The following LEPROTL1 variants were observed in gnomAD, a reference collection of about 807,000 sequenced individuals.
LEPROTL1 encodes the protein leptin receptor overlapping transcript like 1, also known as leptin receptor overlapping transcript-like 1.
In LEPROTL1, 6 loss-of-function variants were observed where a neutral mutation model predicts 15.4. That is an observed-to-expected ratio of 0.39 (90% CI 0.21 to 0.77). LEPROTL1 has a LOEUF of 0.77. Ranked by LOEUF, LEPROTL1 falls within the 30% of genes least tolerant of loss-of-function variation. LEPROTL1 has a pLI of 0.41. For synonymous variants in LEPROTL1, 56 were observed against 52.6 expected, an observed-to-expected ratio of 1.06 and a Z score of -0.28; for missense variants, 128 against 158.1, an observed-to-expected ratio of 0.81 and a Z score of 1.02.
intron 3 of LEPROTL1, among the ~76,000 whole-genome samples, chr8:30,129,711 T>TCACACACA (rs35105107): frequency 3.0e-4 from 39 of 128,382 alleles, no homozygotes; most frequent in South Asian, 5.5e-4. Flanking sequence ...TGAGACCCTG[T>TCACACACA]CACACACACA....
At chr8:30,136,635 T>C (rs1373992372) in intron 4 of LEPROTL1, among the ~76,000 whole-genome samples, 1 of 152,104 alleles carries the variant, frequency 6.6e-6, no homozygotes, top group East Asian at 1.9e-4. Context: ...CTCCATCCCA[T>C]TTGGTACTTC....
downstream of LEPROTL1, among the ~76,000 whole-genome samples, chr8:30,111,610 G>T (rs1294823396): frequency 1.3e-5 from 2 of 152,188 alleles, no homozygotes; most frequent in Non-Finnish European, 2.9e-5. Context: ...CTGGAAACAG[G>T]AAAATCTTGG....
intron 3 of LEPROTL1, among the ~76,000 whole-genome samples, chr8:30,128,816 C>G (rs1184202998): frequency 3.3e-5 from 5 of 150,186 alleles, no homozygotes; most frequent in Non-Finnish European, 7.4e-5. Flanking sequence ...CTAAAGTGTA[C>G]CTCTCGAAGG....
intron 1 of LEPROTL1, among the ~76,000 whole-genome samples, chr8:30,101,402 T>C (rs1802464097): frequency 6.6e-6 from 1 of 152,190 alleles, no homozygotes; most frequent in Non-Finnish European, 1.5e-5. Flanking sequence ...ATGTGGTGGC[T>C]CACGCCTGTA....
At chr8:30,137,272 A>T (rs1329361834) in exon 5 of LEPROTL1, 1 of 1,551,138 alleles carries the variant, frequency 6.4e-7, no homozygotes, top group South Asian at 1.2e-5. Context: ...TGTTTTCTAG[A>T]TGGGGCGCCT....
chr8:30,095,648 CG>C, intron 1 of LEPROTL1, 120 bp downstream of exon 1: 1 of 864,486 alleles, frequency 1.2e-6, no homozygotes, highest in Non-Finnish European at 1.6e-6. Flanking sequence ...GTCCCTGCGC[CG>C]GGGAAGCGAC....
At position 30,108,107 on chromosome 8, in the gene LEPROTL1, C is replaced by A; in HGVS notation, c.*2245C>A. 1.6e-6 allele frequency: 1 copy of A among 620,222 alleles called. No homozygotes were observed. The highest frequency in any genetic ancestry group is 2.0e-6 in the Non-Finnish European group (1 of 496,596). 38.4% of individuals were successfully genotyped at this position (620,222 alleles called of 1,614,324 possible). A position where few individuals can be genotyped will look rare whatever the true frequency, so the allele number is the denominator to read the frequency against. ...GTTTTTGAAATGAAAATATATGGCA[C>A]ACTTTCATTCTGAAGTGCATTAACA... On this transcript the variant is annotated 3_prime_UTR_variant, in exon 4 of 4. Coordinates refer to ENST00000321250, the MANE Select transcript of LEPROTL1 (RefSeq NM_015344.3).
chr8:30,132,465 G>A (rs150098506), exon 4 of LEPROTL1: 66 of 1,551,604 alleles, frequency 4.3e-5, no homozygotes, highest in South Asian at 8.3e-5. Flanking sequence ...GGAGGGAGTC[G>A]TCCAGGATCC....
intron 2 of LEPROTL1, among the ~76,000 whole-genome samples, chr8:30,102,368 C>G (rs569184558): frequency 6.6e-6 from 1 of 151,858 alleles, no homozygotes; most frequent in Non-Finnish European, 1.5e-5. Context: ...AATTACTTTC[C>G]GGCCGGGTGC....
At chr8:30,123,659 T>G (rs1244298821) in intron 3 of LEPROTL1, among the ~76,000 whole-genome samples, 2 of 152,218 alleles carry the variant, frequency 1.3e-5, no homozygotes, top group Non-Finnish European at 2.9e-5. Context: ...GTATGAAGTA[T>G]GTTTGCATGG....
At chr8:30,100,765 C>T (rs942186132) in intron 1 of LEPROTL1, among the ~76,000 whole-genome samples, 7 of 152,112 alleles carry the variant, frequency 4.6e-5, no homozygotes, top group African/African-American at 1.7e-4. Flanking sequence ...TATTTCTTTG[C>T]TTTAGTCTAG....
At chr8:30,097,698 T>C (rs55882307) in intron 1 of LEPROTL1, among the ~76,000 whole-genome samples, 83,863 of 108,096 alleles carry the variant, frequency 0.78, 34,025 homozygotes, top group South Asian at 0.88. Context: ...TATATATATA[T>C]ACACACACAC....
intron 2 of LEPROTL1, 124 bp from the exon 3 acceptor site, chr8:30,104,176 G>A: frequency 2.0e-6 from 1 of 491,914 alleles, no homozygotes; most frequent in Non-Finnish European, 3.5e-6. Context: ...TCAGCTTTAT[G>A]CTAAGGTTGG....
In LEPROTL1 at chr8:30,106,347, A is replaced by G. The variant is rs543723835; in HGVS notation, c.*485A>G. On this transcript the variant is annotated 3_prime_UTR_variant, in exon 4 of 4. Transcript: ENST00000321250. ...TCAGGATGACATCACTCCCAATGTTATGCAGACATACAGACGGTTGGCATA... is the reference window on the plus strand; with the variant it reads ...TCAGGATGACATCACTCCCAATGTTGTGCAGACATACAGACGGTTGGCATA... The G allele has an allele frequency of 1.0e-6, 1 of 986,440 alleles. No homozygotes were observed. The highest frequency in any genetic ancestry group is 1.1e-4 in the East Asian group (1 of 8,832). 61.1% of individuals were successfully genotyped at this position (986,440 alleles called of 1,614,324 possible).
downstream of LEPROTL1, among the ~76,000 whole-genome samples, chr8:30,109,680 T>TA (rs574276846): frequency 4.6e-5 from 7 of 152,074 alleles, no homozygotes; most frequent in Non-Finnish European, 7.3e-5. Flanking sequence ...GTTGCTGACT[T>TA]ACAGTATATT....
chr8:30,109,153 A>G (rs1802618050), downstream of LEPROTL1, among the ~76,000 whole-genome samples: 1 of 152,198 alleles, frequency 6.6e-6, no homozygotes, highest in Admixed American at 6.5e-5. Context: ...TTTAAGTTTC[A>G]GATAACTTTT....
chr8:30,123,140 C>A, intron 3 of LEPROTL1, among the ~76,000 whole-genome samples: 1 of 152,146 alleles, frequency 6.6e-6, no homozygotes, highest in East Asian at 1.9e-4. Context: ...CTCTGCCTCT[C>A]CATGGCAATG....
chr8:30,129,162 A>G (rs1802952425), intron 3 of LEPROTL1, among the ~76,000 whole-genome samples: 1 of 151,980 alleles, frequency 6.6e-6, no homozygotes, highest in Non-Finnish European at 1.5e-5. Flanking sequence ...CAGCCTCCCA[A>G]AGTGCTGAGA....
rs1308000214 is a variant in LEPROTL1 at position 30,106,200 on chromosome 8, C to A, written c.*338C>A. On this transcript the variant is annotated 3_prime_UTR_variant, in exon 4 of 4. Transcript: ENST00000321250. ...ATGTTAAACACTTTTTTAATGTAAT[C>A]ATTTGCATTGGTTAGGAATTCAGAA... 1 of 986,704 alleles carries A rather than the reference C, an allele frequency of 1.0e-6. No individual in the cohort carries two copies. The highest frequency in any genetic ancestry group is 1.2e-6 in the Non-Finnish European group (1 of 830,624). 61.1% of individuals were successfully genotyped at this position (986,704 alleles called of 1,614,324 possible).
Sources: gnomAD v4.1 joint callset for allele counts (sites outside exome capture counted in the v4.1 genomes callset) on GRCh38, gnomAD v4.1.1 for gene constraint, MANE v1.5 for transcripts, NCBI Gene and HGNC (gene_info 2026-07-23, HGNC 2026-07-21) for gene names.